Variants in FHAD1 observed in about 807,000 individuals in gnomAD.
FHAD1 encodes forkhead associated phosphopeptide binding domain 1.
A neutral mutation model predicts 191.3 loss-of-function variants in FHAD1; 146 were observed. The observed-to-expected ratio is 0.76, with a 90% CI of 0.67 to 0.88. The LOEUF (loss-of-function observed/expected upper bound fraction) is 0.88. Ranked by LOEUF, FHAD1 falls within the 40% of genes least tolerant of loss-of-function variation. The pLI is 0.00. For missense variants in FHAD1, 1,635 were observed against 1,785.8 expected, an observed-to-expected ratio of 0.92 and a Z score of 1.52; for synonymous variants, 616 against 672.3, an observed-to-expected ratio of 0.92 and a Z score of 1.29.
chr1:15,268,002 T>C (rs1654295761), intron 2 of FHAD1, among the ~76,000 whole-genome samples: 1 of 149,644 alleles, frequency 6.7e-6, no homozygotes, highest in African/African-American at 2.5e-5. Flanking sequence ...TTTAATTTTA[T>C]TATTATTATA....
At chr1:15,297,413 T>A (rs1192249970) in intron 5 of FHAD1, among the ~76,000 whole-genome samples, 2 of 152,180 alleles carry the variant, frequency 1.3e-5, no homozygotes, top group Non-Finnish European at 2.9e-5. Context: ...AAAGCAATGA[T>A]CCACAATGCC....
At chr1:15,261,482 A>G (rs1406947618) in intron 2 of FHAD1, among the ~76,000 whole-genome samples, 1 of 152,054 alleles carries the variant, frequency 6.6e-6, no homozygotes, top group Non-Finnish European at 1.5e-5. Context: ...CACCGAGGGG[A>G]ACTGTCACAG....
intron 6 of FHAD1, among the ~76,000 whole-genome samples, chr1:15,308,056 G>C (rs1441808317): frequency 6.6e-6 from 1 of 152,098 alleles, no homozygotes; most frequent in African/African-American, 2.4e-5. Flanking sequence ...CCCAGTCTCG[G>C]GTATGTCTTT....
intron 32 of FHAD1, among the ~76,000 whole-genome samples, chr1:15,388,594 G>A (rs1378698246): frequency 6.6e-6 from 1 of 151,648 alleles, no homozygotes; most frequent in Non-Finnish European, 1.5e-5. Flanking sequence ...GTGAAAGAAG[G>A]TGGGAGTGGC....
chr1:15,340,262 T>G (rs1685995373), intron 15 of FHAD1, among the ~76,000 whole-genome samples: 1 of 152,272 alleles, frequency 6.6e-6, no homozygotes, highest in South Asian at 2.1e-4. Flanking sequence ...TATATCATTC[T>G]GATAGCTATT....
intron 33 of FHAD1, among the ~76,000 whole-genome samples, chr1:15,392,936 A>G (rs1487164994): frequency 3.3e-5 from 5 of 152,318 alleles, no homozygotes; most frequent in Admixed American, 2.6e-4. Context: ...GCGAACAAAA[A>G]GAGAGACTGC....
intron 33 of FHAD1, among the ~76,000 whole-genome samples, chr1:15,396,782 C>A (rs370129903): frequency 2.0e-5 from 3 of 152,110 alleles, no homozygotes; most frequent in South Asian, 4.2e-4. Context: ...TGCACTCCAG[C>A]CTGGGCCACA....
At chr1:15,377,672 C>T (rs538643734) in intron 28 of FHAD1, among the ~76,000 whole-genome samples, 13 of 151,858 alleles carry the variant, frequency 8.6e-5, no homozygotes, top group African/African-American at 2.4e-4. Context: ...GACCCTGTCT[C>T]TACAAAAAAT....
intron 33 of FHAD1, among the ~76,000 whole-genome samples, chr1:15,393,415 G>GACACACAC (rs772225551): frequency 1.6e-5 from 2 of 127,678 alleles, no homozygotes; most frequent in Non-Finnish European, 3.1e-5. Context: ...CATAGATGTG[G>GACACACAC]ACACACACAC....
chr1:15,364,010 G>A, intron 23 of FHAD1: 3 of 322,410 alleles, frequency 9.3e-6, no homozygotes, highest in Non-Finnish European at 1.2e-5. Context: ...TCCTCCTCCT[G>A]TTTAAAATCT....
chr1:15,280,695 A>C (rs1043955994), intron 3 of FHAD1, among the ~76,000 whole-genome samples: 2 of 152,196 alleles, frequency 1.3e-5, no homozygotes, highest in Admixed American at 1.3e-4. Flanking sequence ...TGGTTCATTC[A>C]GTCACTCAAT....
At chr1:15,301,836 G>A (rs1036739641) in intron 6 of FHAD1, among the ~76,000 whole-genome samples, 1 of 152,130 alleles carries the variant, frequency 6.6e-6, no homozygotes, top group African/African-American at 2.4e-5. Flanking sequence ...AGACCAGCCT[G>A]GCCAATATGG....
At chr1:15,270,584 T>C in intron 2 of FHAD1, among the ~76,000 whole-genome samples, 1 of 152,376 alleles carries the variant, frequency 6.6e-6, no homozygotes, top group Admixed American at 6.5e-5. Flanking sequence ...TAATATATTC[T>C]ATTATTAATA....
intron 11 of FHAD1, chr1:15,326,747 G>A (rs1340796716): frequency 1.7e-5 from 4 of 235,178 alleles, no homozygotes; most frequent in Non-Finnish European, 2.5e-5. Context: ...GAGCGCTCCC[G>A]GCCCCAGACT....
intron 14 of FHAD1, among the ~76,000 whole-genome samples, chr1:15,331,374 G>A (rs115588780): frequency 0.011 from 1,666 of 151,558 alleles, 13 homozygotes; most frequent in Middle Eastern, 0.017. Flanking sequence ...ATGGATGGAC[G>A]GACGGATGGA....
In FHAD1 at chr1:15,341,735, G is replaced by T. The variant is rs564483078; in HGVS notation, c.1978-1G>T. The stretch of plus-strand genomic sequence containing the variant: ...ATCGGTTTACTTTTCTCACATTTCA[G>T]ATCAAGTTCAACAGTTCTCAGGAAA... On this transcript the variant is annotated splice_acceptor_variant, in intron 15 of 33. Coordinates refer to ENST00000688493, the MANE Select transcript of FHAD1 (RefSeq NM_001391957.1). LOFTEE classifies it high-confidence loss of function. The T allele has an allele frequency of 6.5e-7, 1 of 1,548,912 alleles. No homozygotes were observed. The highest frequency in any genetic ancestry group is 8.7e-7 in the Non-Finnish European group (1 of 1,145,614).
At chr1:15,264,105 T>C (rs1209961335) in intron 2 of FHAD1, among the ~76,000 whole-genome samples, 1 of 152,202 alleles carries the variant, frequency 6.6e-6, no homozygotes, top group Non-Finnish European at 1.5e-5. Flanking sequence ...TTGTTTTGGC[T>C]CTTCAGGGTT....
chr1:15,262,882 A>G (rs372662573), intron 2 of FHAD1, among the ~76,000 whole-genome samples: 2 of 152,346 alleles, frequency 1.3e-5, no homozygotes, highest in Admixed American at 6.5e-5. Flanking sequence ...AGGAACCACA[A>G]TATTGTTTCC....
chr1:15,373,280 G>C (rs1698632303), intron 26 of FHAD1, among the ~76,000 whole-genome samples: 1 of 152,000 alleles, frequency 6.6e-6, no homozygotes, highest in Non-Finnish European at 1.5e-5. Context: ...GGAGGCCGAG[G>C]GAGGCGGATC....
Sources: allele counts gnomAD v4.1 joint callset (sites outside exome capture counted in the v4.1 genomes callset), GRCh38; gene constraint gnomAD v4.1.1; transcripts MANE v1.5; gene names NCBI Gene and HGNC (gene_info 2026-07-23, HGNC 2026-07-21).